CDH4: variants seen among roughly 807,000 people sequenced by gnomAD.
CDH4 encodes the protein cadherin 4.
CDH4 carries 33 observed loss-of-function variants against 86.0 expected under a neutral mutation model. That is an observed-to-expected ratio of 0.38 (90% CI 0.29 to 0.51). The LOEUF is 0.51. CDH4 is among the 20% of genes least tolerant of loss of function. The probability of loss-of-function intolerance (pLI) is 0.86; values close to 1 mark genes in which losing one functional copy is unlikely to be tolerated. For synonymous variants in CDH4, 555 were observed against 549.4 expected (o/e 1.01, Z -0.14); for missense variants, 1,114 against 1,307.4 (o/e 0.85, Z 2.28).
At chr20:61,314,868 C>G (rs910071312) in intron 2 of CDH4, among the ~76,000 whole-genome samples, 5 of 152,200 alleles carry the variant, frequency 3.3e-5, no homozygotes, top group Non-Finnish European at 5.9e-5. Flanking sequence ...ATTTGCATTT[C>G]CCTGGTGATT....
chr20:61,411,056 A>G lies in CDH4; in HGVS notation c.169+156119A>G, dbSNP rs148289072. ...CAACCGTCCATTCATCCTCCTGTCC[A>G]TCTTCCTACTTGTTAGCCCATCTAT... On this transcript the variant is annotated intron_variant, in intron 2 of 15. Transcript: ENST00000614565. Among the ~76,000 whole-genome samples the G allele has an allele frequency of 4.7e-4, 70 of 150,274 alleles. 1 individual carries two copies. In the East Asian group the frequency reaches 0.012, roughly 25 times the overall value.
chr20:61,351,866 G>A (rs116407844), intron 2 of CDH4, among the ~76,000 whole-genome samples: 1 of 152,028 alleles, frequency 6.6e-6, no homozygotes, highest in African/African-American at 2.4e-5. Flanking sequence ...ATGGGCAGGC[G>A]CCACCATACC....
intron 6 of CDH4, among the ~76,000 whole-genome samples, chr20:61,862,088 C>A (rs527243811): frequency 9.2e-5 from 14 of 152,178 alleles, no homozygotes; most frequent in Non-Finnish European, 1.2e-4. Flanking sequence ...CCACGCTCTG[C>A]GCCAGCTCCT....
intron 2 of CDH4, among the ~76,000 whole-genome samples, chr20:61,315,698 C>T (rs898745884): frequency 1.3e-5 from 2 of 152,100 alleles, no homozygotes; most frequent in Non-Finnish European, 2.9e-5. Context: ...TGATTTTTTA[C>T]GTTTTCATTA....
At chr20:61,583,488 T>C (rs1341616086) in intron 2 of CDH4, among the ~76,000 whole-genome samples, 2 of 151,886 alleles carry the variant, frequency 1.3e-5, no homozygotes, top group East Asian at 3.9e-4. Flanking sequence ...CTGGGTCCCA[T>C]GGAAGGCATC....
chr20:61,689,570 G>T, intron 2 of CDH4, among the ~76,000 whole-genome samples: 1 of 104,442 alleles, frequency 9.6e-6, no homozygotes, highest in Non-Finnish European at 2.0e-5. Context: ...GGTTGGTGAG[G>T]TGATGTGGAT....
intron 2 of CDH4, among the ~76,000 whole-genome samples, chr20:61,647,969 G>A (rs1422667497): frequency 6.6e-6 from 1 of 152,164 alleles, no homozygotes; most frequent in African/African-American, 2.4e-5. Context: ...GTGGGGGATG[G>A]ACACAGGTTG....
intron 2 of CDH4, among the ~76,000 whole-genome samples, chr20:61,293,029 T>C (rs749994528): frequency 2.0e-5 from 3 of 152,154 alleles, no homozygotes; most frequent in Non-Finnish European, 2.9e-5. Context: ...TGGCTGGGTG[T>C]GGTCCCCACG....
chr20:61,424,170 G>A (rs2085197423), intron 2 of CDH4, among the ~76,000 whole-genome samples: 1 of 143,800 alleles, frequency 7.0e-6, no homozygotes, highest in African/African-American at 2.6e-5. Flanking sequence ...CCACACATAT[G>A]TATCCACACA....
At chr20:61,702,545 ATTC>A (rs897178363) in intron 2 of CDH4, among the ~76,000 whole-genome samples, 4 of 152,226 alleles carry the variant, frequency 2.6e-5, no homozygotes, top group African/African-American at 9.7e-5. Flanking sequence ...GATGCAATTC[ATTC>A]TTCTGAAGCG....
intron 2 of CDH4, among the ~76,000 whole-genome samples, chr20:61,466,045 T>G (rs1450690714): frequency 6.6e-6 from 1 of 152,152 alleles, no homozygotes; most frequent in Non-Finnish European, 1.5e-5. Flanking sequence ...TGAGAATGCA[T>G]CAACATTTAG....
At chr20:61,493,833 G>A (rs755227462) in intron 2 of CDH4, among the ~76,000 whole-genome samples, 15 of 152,202 alleles carry the variant, frequency 9.9e-5, no homozygotes, top group Admixed American at 1.3e-4. Context: ...TGTGGATTCC[G>A]CTACAGGTGG....
At chr20:61,397,481 C>T (rs2085024466) in intron 2 of CDH4, among the ~76,000 whole-genome samples, 1 of 152,074 alleles carries the variant, frequency 6.6e-6, no homozygotes. Flanking sequence ...TGAGGGCTTT[C>T]CCAACGAGAC....
intron 2 of CDH4, among the ~76,000 whole-genome samples, chr20:61,366,129 T>C (rs1273403690): frequency 6.6e-6 from 1 of 152,184 alleles, no homozygotes; most frequent in Admixed American, 6.5e-5. Context: ...GAAGAGGTTG[T>C]CTCCACTGAA....
At chr20:61,575,331 C>G (rs1253124744) in intron 2 of CDH4, among the ~76,000 whole-genome samples, 1 of 152,166 alleles carries the variant, frequency 6.6e-6, no homozygotes, top group African/African-American at 2.4e-5. Flanking sequence ...GTATTGTTAA[C>G]ACTAATCCCA....
At chr20:61,924,581 G>C (rs2055024490) in intron 11 of CDH4, 105 bp downstream of exon 11, 2 of 1,289,616 alleles carry the variant, frequency 1.6e-6, no homozygotes, top group Admixed American at 2.3e-5. Flanking sequence ...AGGCCAGCAG[G>C]CATCCAGAGG....
intron 2 of CDH4, among the ~76,000 whole-genome samples, chr20:61,441,059 GAC>G (rs2085312766): frequency 6.6e-6 from 1 of 152,184 alleles, no homozygotes; most frequent in South Asian, 2.1e-4. Context: ...GGGTGAAAAA[GAC>G]ACATTTCTTT....
At chr20:61,504,245 CTG>C (rs2145604441) in intron 2 of CDH4, among the ~76,000 whole-genome samples, 1 of 152,348 alleles carries the variant, frequency 6.6e-6, no homozygotes, top group South Asian at 2.1e-4. Context: ...CTGCTGCCCT[CTG>C]TGTTGCCCAT....
chr20:61,264,324 A>T (rs1568772629), intron 2 of CDH4, among the ~76,000 whole-genome samples: 1 of 152,054 alleles, frequency 6.6e-6, no homozygotes, highest in African/African-American at 2.4e-5. Context: ...TCAATCTTAC[A>T]CATATCTCAG....
Sources: gnomAD v4.1 joint callset for allele counts (sites outside exome capture counted in the v4.1 genomes callset) on GRCh38, gnomAD v4.1.1 for gene constraint, MANE v1.5 for transcripts, NCBI Gene and HGNC (gene_info 2026-07-23, HGNC 2026-07-21) for gene names.